MORF4L1: variants seen among roughly 807,000 people sequenced by gnomAD.
MORF4L1 encodes the protein mortality factor 4 like 1.
MORF4L1 carries 4 observed loss-of-function variants against 52.9 expected under a neutral mutation model. The observed-to-expected ratio is 0.08, with a 90% CI of 0.04 to 0.17. The LOEUF (loss-of-function observed/expected upper bound fraction) is 0.17, where lower values mean the gene tolerates loss of function less well. MORF4L1 is among the 10% of genes least tolerant of loss of function. The probability of loss-of-function intolerance (pLI) is 1.00; values close to 1 mark genes in which losing one functional copy is unlikely to be tolerated. For synonymous variants in MORF4L1, 123 were observed against 134.8 expected (o/e 0.91, Z 0.61); for missense variants, 214 against 390.4 (o/e 0.55, Z 3.81).
At chr15:78,894,990 AAC>A in intron 11 of MORF4L1, 86 bp downstream of exon 11, 1 of 1,076,212 alleles carries the variant, frequency 9.3e-7, no homozygotes, top group Non-Finnish European at 1.4e-6. Flanking sequence ...TAAAACATTA[AAC>A]ATTATATTGG....
intron 1 of MORF4L1, chr15:78,874,006 T>G (rs567881966): frequency 1.5e-4 from 23 of 152,356 alleles, no homozygotes; most frequent in Non-Finnish European, 2.4e-4. Flanking sequence ...GAAAGTTGAA[T>G]TTCTTTTTAT....
chr15:78,873,886 A>C (rs1596235439), intron 1 of MORF4L1: 1 of 152,264 alleles, frequency 6.6e-6, no homozygotes, highest in East Asian at 1.9e-4. Context: ...GTAAATAAAA[A>C]TGATCTGAAT....
intron 5 of MORF4L1, among the ~76,000 whole-genome samples, chr15:78,887,824 G>A (rs1389612430): frequency 1.3e-5 from 2 of 152,188 alleles, no homozygotes; most frequent in Admixed American, 1.3e-4. Context: ...TGTTGCCCAG[G>A]CTGGAGTGCA....
In MORF4L1 at chr15:78,897,524, C is replaced by G. The variant is rs1181313874; in HGVS notation, c.*457C>G. ...TGGTGCTTAAAGTAAAGAGCCCATC[C>G]TTTGCAAGTCATCCATGTTGTTACT... On this transcript the variant is annotated 3_prime_UTR_variant, in exon 12 of 12. Coordinates refer to ENST00000426013, the MANE Select transcript of MORF4L1 (RefSeq NM_006791.4). The G allele has an allele frequency of 6.5e-6, 1 of 153,792 alleles. No individual in the cohort carries two copies. The highest frequency in any genetic ancestry group is 1.5e-5 in the Non-Finnish European group (1 of 68,806). The allele number at this position is 153,792 out of a possible 1,614,324, so 9.5% of individuals were successfully genotyped here.
At chr15:78,878,036 G>C (rs957240124) in intron 1 of MORF4L1, 177 bp from the exon 2 acceptor site, 2 of 478,664 alleles carry the variant, frequency 4.2e-6, no homozygotes, top group African/African-American at 4.0e-5. Flanking sequence ...GGATACCAAC[G>C]TGTTTTTGTC....
chr15:78,876,675 A>G (rs2056498705), intron 1 of MORF4L1: 1 of 432,914 alleles, frequency 2.3e-6, no homozygotes, highest in Admixed American at 2.5e-5. Context: ...GCTGTTTATT[A>G]GCAGTATAGT....
chr15:78,893,438 ATACTGT>A (rs1405608103), intron 8 of MORF4L1, 95 bp from the exon 9 acceptor site: 5 of 767,334 alleles, frequency 6.5e-6, no homozygotes, highest in Non-Finnish European at 1.1e-5. Flanking sequence ...CTAATTTGAA[ATACTGT>A]TACTGTTACC....
In MORF4L1 at chr15:78,886,363, A is replaced by T. The variant is rs145018359; in HGVS notation, c.242+136A>T. On this transcript the variant is annotated intron_variant, in intron 4 of 11. Coordinates refer to ENST00000426013, the MANE Select transcript of MORF4L1 (RefSeq NM_006791.4). ...TGGTACCTTTCAGCTGCTGTGTTAC[A>T]GCTTTGACTTCAAGCGATCAAGCCA... The T allele has an allele frequency of 1.6e-3, 1,203 of 755,958 alleles. 7 individuals carry two copies. Among genetic ancestry groups the T allele is most frequent in the African/African-American group, 0.012 (666 of 57,552 alleles). The allele number at this position is 755,958 out of a possible 1,614,324, so 46.8% of individuals were successfully genotyped here. A position where few individuals can be genotyped will look rare whatever the true frequency, so the allele number is the denominator to read the frequency against.
intron 4 of MORF4L1, 29 bp downstream of exon 4, chr15:78,886,256 A>G: frequency 6.5e-7 from 1 of 1,540,096 alleles, no homozygotes. Context: ...CTGAATATTA[A>G]GGAGAAATGC....
Position 78,886,158 on chromosome 15 carries a change from C to T in MORF4L1, c.173C>T (p.Pro58Leu), listed in dbSNP as rs756373390. The part of the protein sequence containing the change: ...GWNKNWDEWV[P>L]ESRVLKYVDT... The stretch of plus-strand genomic sequence containing the variant: ...TTTTTCAGTTGGGATGAATGGGTTC[C>T]GGAGAGCAGAGTACTCAAATACGTG... The change falls in exon 4 of 12, where the codon CCG becomes CTG. Residue 58 changes from proline to leucine, a missense_variant. This residue lies in a region of MORF4L1 where 84 missense variants were observed against 116.3 expected (regional missense o/e 0.72). Coordinates refer to ENST00000426013, the MANE Select transcript of MORF4L1 (RefSeq NM_006791.4). 9.3e-6 allele frequency: 15 copies of T among 1,613,514 alleles called. No homozygotes were observed. Among genetic ancestry groups the T allele is most frequent in the Admixed American group, 6.7e-5 (4 of 59,986 alleles).
chr15:78,879,807 G>A (rs1419673785), intron 2 of MORF4L1, among the ~76,000 whole-genome samples: 1 of 151,464 alleles, frequency 6.6e-6, no homozygotes, highest in Non-Finnish European at 1.5e-5. Flanking sequence ...CCTGTTAATC[G>A]TTTTTATCCC....
Position 78,891,513 on chromosome 15 carries a change from A to G in MORF4L1, c.379A>G (p.Ser127Gly), listed in dbSNP as rs774301883. The G allele has an allele frequency of 3.9e-5, 63 of 1,614,012 alleles. No homozygotes were observed. Among genetic ancestry groups the G allele is most frequent in the Non-Finnish European group, 5.1e-5 (60 of 1,179,990 alleles). ...TGGAAATGGAGATGGTGGCAGTACC[A>G]GTGAGACCCCTCAGCCTCCTCGGAA... ...TPGNGDGGSTSETPQPPRKKR... is the reference protein window; with the variant it reads ...TPGNGDGGSTGETPQPPRKKR... Residue 127 changes from serine to glycine, a missense_variant, in exon 7 of 12, where the codon AGT (serine) becomes GGT (glycine). Physicochemically the swap from Ser to Gly is moderately conservative, Grantham distance 56. Transcript: ENST00000426013.
chr15:78,891,382 T>C (rs574760736), intron 6 of MORF4L1, 102 bp from the exon 7 acceptor site: 5 of 872,822 alleles, frequency 5.7e-6, no homozygotes, highest in Non-Finnish European at 9.3e-6. Flanking sequence ...AACAGCTGTG[T>C]AATGGAGAAA....
chr15:78,883,377 A>T (rs2056637538), intron 3 of MORF4L1, among the ~76,000 whole-genome samples: 1 of 152,244 alleles, frequency 6.6e-6, no homozygotes, highest in Non-Finnish European at 1.5e-5. Context: ...CATATAATAG[A>T]TAACCCTGTA....
chr15:78,874,783 C>T (rs894235298), intron 1 of MORF4L1, among the ~76,000 whole-genome samples: 1 of 129,272 alleles, frequency 7.7e-6, no homozygotes, highest in African/African-American at 2.8e-5. Flanking sequence ...ACTCTACCTC[C>T]TATGGGTTCA....
intron 7 of MORF4L1, 130 bp downstream of exon 7, chr15:78,891,702 CTT>C (rs2056804956): frequency 5.9e-6 from 4 of 676,312 alleles, no homozygotes; most frequent in African/African-American, 5.5e-5. Flanking sequence ...AAAATTTTCT[CTT>C]TTGGGGGTAA....
At chr15:78,877,606 C>G (rs1030939408) in intron 1 of MORF4L1, among the ~76,000 whole-genome samples, 1 of 152,156 alleles carries the variant, frequency 6.6e-6, no homozygotes, top group African/African-American at 2.4e-5. Context: ...TTTCTTTAGT[C>G]TTGAAGTAGG....
chr15:78,875,894 T>TA (rs1408248402), intron 1 of MORF4L1, among the ~76,000 whole-genome samples: 1 of 152,190 alleles, frequency 6.6e-6, no homozygotes, highest in African/African-American at 2.4e-5. Context: ...AGAGTTTATG[T>TA]AATGGTAGAG....
At chr15:78,885,400 C>T (rs939496278) in intron 3 of MORF4L1, among the ~76,000 whole-genome samples, 2 of 152,164 alleles carry the variant, frequency 1.3e-5, no homozygotes, top group South Asian at 4.1e-4. Context: ...CTTTGAAGTG[C>T]CAGAATGTCT....
Sources: allele counts gnomAD v4.1 joint callset (sites outside exome capture counted in the v4.1 genomes callset), GRCh38; gene constraint gnomAD v4.1.1; regional missense constraint gnomAD v4.1.1; transcripts MANE v1.5; gene names NCBI Gene and HGNC (gene_info 2026-07-23, HGNC 2026-07-21).